RYR2: variants seen among roughly 807,000 people sequenced by gnomAD.
RYR2 encodes ryanodine receptor 2.
Under a neutral mutation model 601.1 loss-of-function variants are expected in RYR2, and 227 were observed. That is an observed-to-expected ratio of 0.38 (90% CI 0.34 to 0.42). RYR2 has a LOEUF of 0.42. Among genes scored for constraint, RYR2 ranks in the 10% least tolerant of loss-of-function variants. RYR2 has a pLI of 1.00. For missense variants in RYR2, 4,646 were observed against 6,156.5 expected (o/e 0.75, Z 8.21); for synonymous variants, 2,223 against 2,175.1 (o/e 1.02, Z -0.61).
At chr1:237,349,905 T>C (rs2787103) in intron 3 of RYR2, among the ~76,000 whole-genome samples, 2,494 of 152,302 alleles carry the variant, frequency 0.016, 70 homozygotes, top group African/African-American at 0.055. Context: ...ATTATGGTGA[T>C]GGTTCATAGC....
intron 99 of RYR2, among the ~76,000 whole-genome samples, chr1:237,807,558 G>T (rs1660776371): frequency 6.6e-6 from 1 of 152,118 alleles, no homozygotes; most frequent in Non-Finnish European, 1.5e-5. Context: ...CACCATGTTG[G>T]CCAGGCTGGT....
chr1:237,202,700 G>A (rs902439222), intron 1 of RYR2, among the ~76,000 whole-genome samples: 6 of 152,152 alleles, frequency 3.9e-5, no homozygotes, highest in African/African-American at 1.4e-4. Context: ...GAGCCACCGG[G>A]TCCGTCCTTT....
At position 237,146,989 on chromosome 1, in the gene RYR2, GAGCTGCAA is replaced by G. The variant is rs373847406; in HGVS notation, c.48+104422_48+104429del. The stretch of plus-strand genomic sequence containing the variant: ...ATTTTATACCAGCTTTAAAGTTTGG[GAGCTGCAA>G]ATGCCCTTTGTTCTGGGGATGGGGA... On this transcript the variant is annotated intron_variant, in intron 1 of 104. Coordinates refer to ENST00000366574, the MANE Select transcript of RYR2 (RefSeq NM_001035.3). 8.8e-3 allele frequency among the ~76,000 whole-genome samples: 1,343 copies of G among 152,164 alleles called. 14 individuals carry two copies. Among genetic ancestry groups the G allele is most frequent in the South Asian group, 0.025 (120 of 4,812 alleles).
At chr1:237,371,660 C>G (rs142513578) in intron 6 of RYR2, among the ~76,000 whole-genome samples, 3 of 152,168 alleles carry the variant, frequency 2.0e-5, no homozygotes, top group East Asian at 3.8e-4. Flanking sequence ...ATCAATAACA[C>G]TATCCAACTG....
intron 58 of RYR2, among the ~76,000 whole-genome samples, chr1:237,671,999 T>C (rs1437051069): frequency 1.3e-5 from 2 of 152,154 alleles, no homozygotes; most frequent in African/African-American, 2.4e-5. Context: ...TCCTCAGAGT[T>C]ACTGCTCACT....
chr1:237,515,277 A>G (rs1167469684), intron 24 of RYR2, among the ~76,000 whole-genome samples: 2 of 152,246 alleles, frequency 1.3e-5, no homozygotes, highest in African/African-American at 4.8e-5. Flanking sequence ...ATTTCTGAAT[A>G]AACAGCTCAC....
At chr1:237,481,007 C>T (rs1460200899) in intron 17 of RYR2, among the ~76,000 whole-genome samples, 2 of 151,450 alleles carry the variant, frequency 1.3e-5, no homozygotes, top group Non-Finnish European at 2.9e-5. Context: ...TCTTTAGCCA[C>T]AAAACCAGCA....
intron 8 of RYR2, among the ~76,000 whole-genome samples, chr1:237,378,817 T>C (rs1320799559): frequency 1.3e-5 from 2 of 152,320 alleles, no homozygotes; most frequent in East Asian, 3.9e-4. Context: ...TTTGTTTCAC[T>C]TGCCTTGTAG....
intron 27 of RYR2, among the ~76,000 whole-genome samples, chr1:237,551,268 G>A (rs1023152643): frequency 5.9e-5 from 9 of 152,060 alleles, no homozygotes; most frequent in Admixed American, 1.3e-4. Flanking sequence ...GGTGGCTCAC[G>A]CCTGTAATCC....
At chr1:237,221,917 A>C (rs1683837483) in intron 1 of RYR2, among the ~76,000 whole-genome samples, 1 of 151,986 alleles carries the variant, frequency 6.6e-6, no homozygotes, top group African/African-American at 2.4e-5. Context: ...ATGGCTAGTG[A>C]CTATGTCCTA....
chr1:237,532,559 G>A lies in RYR2; in HGVS notation c.2906+2049G>A, dbSNP rs76789640. ...AAACCACTCTCAGGTTTTTTGGAAA[G>A]TATCCAAAAAAGGCATTATTAAGGC... On this transcript the variant is annotated intron_variant, in intron 25 of 104. Coordinates refer to ENST00000366574, the MANE Select transcript of RYR2 (RefSeq NM_001035.3). 9.0e-3 allele frequency among the ~76,000 whole-genome samples: 1,361 copies of A among 151,810 alleles called. 21 individuals carry two copies. Among genetic ancestry groups the A allele is most frequent in the African/African-American group, 0.031 (1,281 of 41,386 alleles).
intron 63 of RYR2, among the ~76,000 whole-genome samples, chr1:237,690,664 C>A (rs1024580287): frequency 2.0e-5 from 3 of 152,114 alleles, no homozygotes. Flanking sequence ...GAGTTCAAGA[C>A]CAGCCTGGGA....
intron 17 of RYR2, among the ~76,000 whole-genome samples, chr1:237,471,837 A>T (rs576503202): frequency 6.6e-6 from 1 of 151,404 alleles, no homozygotes; most frequent in African/African-American, 2.5e-5. Context: ...GAGATAACAT[A>T]ATGAAAGTCA....
At chr1:237,532,366 T>G (rs2779366) in intron 25 of RYR2, among the ~76,000 whole-genome samples, 152,152 of 152,198 alleles carry the variant, frequency 1, 76,053 homozygotes, top group Non-Finnish European at 1. Context: ...TGAGTTAAGT[T>G]AACCAAAAAC....
chr1:237,134,378 A>T (rs1271344346), intron 1 of RYR2, among the ~76,000 whole-genome samples: 1 of 152,210 alleles, frequency 6.6e-6, no homozygotes, highest in Non-Finnish European at 1.5e-5. Context: ...ACTGACTCAC[A>T]GTTCCACGTG....
At chr1:237,195,307 G>A (rs1033931741) in intron 1 of RYR2, among the ~76,000 whole-genome samples, 2 of 152,200 alleles carry the variant, frequency 1.3e-5, no homozygotes, top group African/African-American at 4.8e-5. Flanking sequence ...AAACTGGAGT[G>A]CAATGATGTG....
At position 237,396,371 on chromosome 1, in the gene RYR2, G is replaced by A. The variant is rs149768219; in HGVS notation, c.773+8188G>A. ...GGACCAATAGAATAGGAATCTGAAC[G>A]TTGATAACAGTGATTTAAAACAAAA... On this transcript the variant is annotated intron_variant, in intron 10 of 104. Coordinates refer to ENST00000366574, the MANE Select transcript of RYR2 (RefSeq NM_001035.3). 1.6e-4 allele frequency among the ~76,000 whole-genome samples: 24 copies of A among 152,286 alleles called. 1 individual carries two copies. In the East Asian group the frequency reaches 3.7e-3, roughly 23 times the overall value.
chr1:237,059,753 T>C (rs1662615481), intron 1 of RYR2, among the ~76,000 whole-genome samples: 1 of 152,208 alleles, frequency 6.6e-6, no homozygotes, highest in Non-Finnish European at 1.5e-5. Context: ...GTTGTCCCAG[T>C]TCATGAAGAA....
chr1:237,641,639 T>TCTATCACTCC (rs754363971), intron 47 of RYR2, among the ~76,000 whole-genome samples: 1 of 152,010 alleles, frequency 6.6e-6, no homozygotes, highest in Non-Finnish European at 1.5e-5. Context: ...CCTCCCAGGT[T>TCTATCACTCC]CAAGTGATTC....
Sources: allele counts gnomAD v4.1 joint callset (sites outside exome capture counted in the v4.1 genomes callset), GRCh38; gene constraint gnomAD v4.1.1; transcripts MANE v1.5; gene names NCBI Gene and HGNC (gene_info 2026-07-23, HGNC 2026-07-21).